Variants in SH3RF3 observed in about 807,000 individuals in gnomAD.
SH3RF3 encodes the protein E3 ubiquitin-protein ligase SH3RF3.
Under a neutral mutation model 66.3 loss-of-function variants are expected in SH3RF3, and 29 were observed. That is an observed-to-expected ratio of 0.44 (90% CI 0.33 to 0.60). The LOEUF (loss-of-function observed/expected upper bound fraction) is 0.60. Among genes scored for constraint, SH3RF3 ranks in the 20% least tolerant of loss-of-function variants. The probability of loss-of-function intolerance (pLI) is 0.04; values close to 1 mark genes in which losing one functional copy is unlikely to be tolerated. For synonymous variants in SH3RF3, 583 were observed against 532.0 expected, an observed-to-expected ratio of 1.10 and a Z score of -1.32; for missense variants, 1,194 against 1,190.9, an observed-to-expected ratio of 1.00 and a Z score of -0.04.
intron 1 of SH3RF3, among the ~76,000 whole-genome samples, chr2:109,149,367 G>C (rs1260794963): frequency 6.6e-6 from 1 of 152,166 alleles, no homozygotes; most frequent in Middle Eastern, 3.2e-3. Context: ...TCAAGTGTCT[G>C]GCAGAGACTT....
chr2:109,439,438 A>C (rs914513542), intron 7 of SH3RF3, among the ~76,000 whole-genome samples: 1 of 152,168 alleles, frequency 6.6e-6, no homozygotes, highest in South Asian at 2.1e-4. Context: ...GAGAAAAAAC[A>C]CTGTTGACAG....
At chr2:109,432,477 A>C (rs1677259469) in intron 5 of SH3RF3, 24 bp from the exon 6 acceptor site, 1 of 1,611,742 alleles carries the variant, frequency 6.2e-7, no homozygotes, top group Admixed American at 1.7e-5. Context: ...TCCCACTGAC[A>C]CTGGCCCCAT....
chr2:109,501,213 TG>T (rs1206210020), intron 9 of SH3RF3, among the ~76,000 whole-genome samples: 2 of 151,962 alleles, frequency 1.3e-5, no homozygotes, highest in East Asian at 1.9e-4. Flanking sequence ...GGATATGAGA[TG>T]GGGGGCTGTG....
chr2:109,203,420 T>G (rs970596256), intron 1 of SH3RF3, among the ~76,000 whole-genome samples: 1 of 152,312 alleles, frequency 6.6e-6, no homozygotes, highest in South Asian at 2.1e-4. Flanking sequence ...GCGCATCACC[T>G]GTGGTCAGGC....
At chr2:109,133,696 T>C (rs952331850) in intron 1 of SH3RF3, among the ~76,000 whole-genome samples, 3 of 151,508 alleles carry the variant, frequency 2.0e-5, no homozygotes, top group African/African-American at 7.3e-5. Context: ...CTTTCATACA[T>C]GGTCATCTTG....
In SH3RF3 at chr2:109,261,218, A is replaced by G. The variant is rs187295649; in HGVS notation, c.574-86456A>G. ...GGGCCCTTTGTAGTTGCATAGGTGTAAAGCGAGGGCCCTGGCTGATGGCTC... is the reference window on the plus strand; with the variant it reads ...GGGCCCTTTGTAGTTGCATAGGTGTGAAGCGAGGGCCCTGGCTGATGGCTC... On this transcript the variant is annotated intron_variant, in intron 1 of 9. Coordinates refer to ENST00000309415, the MANE Select transcript of SH3RF3 (RefSeq NM_001099289.3). 7.3e-3 allele frequency among the ~76,000 whole-genome samples: 1,112 copies of G among 152,210 alleles called. 8 individuals are homozygous for G. The highest frequency in any genetic ancestry group is 0.024 in the South Asian group (115 of 4,816).
At chr2:109,137,163 C>T (rs1368445156) in intron 1 of SH3RF3, among the ~76,000 whole-genome samples, 2 of 152,178 alleles carry the variant, frequency 1.3e-5, no homozygotes, top group African/African-American at 2.4e-5. Context: ...GTTTATCTGG[C>T]AGGAATTTCT....
At chr2:109,253,932 T>G (rs1487352569) in intron 1 of SH3RF3, among the ~76,000 whole-genome samples, 1 of 152,078 alleles carries the variant, frequency 6.6e-6, no homozygotes. Context: ...TTAATTCCCC[T>G]TCCACAGCTC....
intron 3 of SH3RF3, among the ~76,000 whole-genome samples, chr2:109,393,234 G>A (rs927355162): frequency 1.4e-4 from 22 of 152,208 alleles, no homozygotes; most frequent in African/African-American, 3.9e-4. Context: ...TAAGGCGAAC[G>A]CCCCACAGGA....
chr2:109,427,460 A>G (rs1677059525), intron 5 of SH3RF3, among the ~76,000 whole-genome samples: 1 of 152,172 alleles, frequency 6.6e-6, no homozygotes, highest in African/African-American at 2.4e-5. Context: ...TCCCACAGGT[A>G]TGCCTGTACC....
chr2:109,289,293 T>G (rs571286591), intron 1 of SH3RF3, among the ~76,000 whole-genome samples: 4 of 152,316 alleles, frequency 2.6e-5, no homozygotes, highest in African/African-American at 7.2e-5. Context: ...TTCTTGTTAT[T>G]TATTTCCAAC....
chr2:109,262,713 C>T (rs757492384), intron 1 of SH3RF3, among the ~76,000 whole-genome samples: 4 of 152,098 alleles, frequency 2.6e-5, no homozygotes, highest in East Asian at 1.9e-4. Flanking sequence ...ATTCTTTATC[C>T]GCAAATAGCT....
chr2:109,331,574 T>C (rs1382061970), intron 1 of SH3RF3, among the ~76,000 whole-genome samples: 1 of 152,226 alleles, frequency 6.6e-6, no homozygotes, highest in Non-Finnish European at 1.5e-5. Flanking sequence ...ATATATTTTC[T>C]CTGGAGTACT....
rs75571974 is a variant in SH3RF3, at chr2:109,440,797, C to T, written c.1828+3651C>T. Among the ~76,000 whole-genome samples, 525 of 152,222 alleles carry T rather than the reference C, an allele frequency of 3.4e-3. 19 individuals carry two copies. In the East Asian group the frequency reaches 0.061, roughly 18 times the overall value. ...AACAGCACAGAGAGGCTGCAGAGCA[C>T]GCCCTGAGATCTTCAGGTGACAACT... On this transcript the variant is annotated intron_variant, in intron 7 of 9. Transcript: ENST00000309415.
chr2:109,371,719 T>C, intron 3 of SH3RF3, 38 bp downstream of exon 3: 2 of 1,581,750 alleles, frequency 1.3e-6, no homozygotes, highest in Non-Finnish European at 1.7e-6. Flanking sequence ...GGCTCCTTCT[T>C]GCCCACCCTT....
intron 1 of SH3RF3, among the ~76,000 whole-genome samples, chr2:109,266,782 C>G (rs976576479): frequency 4.6e-5 from 7 of 152,066 alleles, no homozygotes; most frequent in African/African-American, 7.2e-5. Context: ...GAGCGTGTGC[C>G]CACTCGCACA....
intron 8 of SH3RF3, among the ~76,000 whole-genome samples, chr2:109,460,852 C>T (rs1678191883): frequency 6.6e-6 from 1 of 152,216 alleles, no homozygotes; most frequent in Non-Finnish European, 1.5e-5. Context: ...AGGTGCATTC[C>T]TCAAAGTTCT....
intron 8 of SH3RF3, among the ~76,000 whole-genome samples, chr2:109,458,112 T>C (rs1165728234): frequency 1.3e-5 from 2 of 152,188 alleles, no homozygotes; most frequent in Non-Finnish European, 2.9e-5. Flanking sequence ...CTTCATACCA[T>C]CATCTCCCTC....
chr2:109,474,989 G>T (rs11894426), intron 8 of SH3RF3, among the ~76,000 whole-genome samples: 16,615 of 151,224 alleles, frequency 0.11, 2,133 homozygotes, highest in African/African-American at 0.31. Flanking sequence ...TTGTTTGTTT[G>T]TTTTTTTGAG....
Sources: allele counts gnomAD v4.1 joint callset (sites outside exome capture counted in the v4.1 genomes callset), GRCh38; gene constraint gnomAD v4.1.1; transcripts MANE v1.5; gene names NCBI Gene and HGNC (gene_info 2026-07-23, HGNC 2026-07-21).